Variants in RAB27B observed in about 807,000 individuals in gnomAD.
RAB27B encodes RAB27B, member RAS oncogene family, also known as ras-related protein Rab-27B.
RAB27B carries 15 observed loss-of-function variants against 24.6 expected under a neutral mutation model. That is an observed-to-expected ratio of 0.61 (90% CI 0.41 to 0.94). The LOEUF is 0.94. Ranked by LOEUF, RAB27B falls within the 40% of genes least tolerant of loss-of-function variation. The pLI, the probability that RAB27B is intolerant of heterozygous loss-of-function variation, is 0.00. For synonymous variants in RAB27B, 105 were observed against 92.5 expected, an observed-to-expected ratio of 1.14 and a Z score of -0.78; for missense variants, 261 against 266.8, an observed-to-expected ratio of 0.98 and a Z score of 0.15.
At chr18:54,786,549 T>C (rs1598903923) in intron 2 of RAB27B, among the ~76,000 whole-genome samples, 2 of 152,350 alleles carry the variant, frequency 1.3e-5, no homozygotes, top group Admixed American at 1.3e-4. Context: ...CTTAATTAAA[T>C]AGCATTTAAC....
chr18:54,834,763 A>G (rs1383289042), intron 1 of RAB27B, among the ~76,000 whole-genome samples: 1 of 150,028 alleles, frequency 6.7e-6, no homozygotes, highest in African/African-American at 2.5e-5. Context: ...GGAAAATTTC[A>G]TTTTAAAACG....
intron 2 of RAB27B, among the ~76,000 whole-genome samples, chr18:54,722,185 C>T (rs1909380316): frequency 6.6e-6 from 1 of 152,062 alleles, no homozygotes; most frequent in South Asian, 2.1e-4. Context: ...ATTGTTTTAC[C>T]ACTCCTGTAC....
chr18:54,821,918 A>T (rs1406631976), intron 2 of RAB27B, among the ~76,000 whole-genome samples: 1 of 151,978 alleles, frequency 6.6e-6, no homozygotes. Context: ...ATGCCTGGCT[A>T]ATTTTTGTAT....
intron 2 of RAB27B, among the ~76,000 whole-genome samples, chr18:54,740,631 C>G (rs138853303): frequency 0.016 from 2,373 of 152,256 alleles, 22 homozygotes; most frequent in Non-Finnish European, 0.025. Context: ...TAAAGTGGTC[C>G]TGTTGGCACA....
At position 54,762,542 on chromosome 18, in the gene RAB27B, A is replaced by T. The variant is rs1455957887; in HGVS notation, c.-20+44401A>T. Among the ~76,000 whole-genome samples the T allele has an allele frequency of 7.2e-5, 11 of 152,276 alleles. No individual in the cohort carries two copies. In the South Asian group the frequency reaches 2.3e-3, roughly 32 times the overall value. On this transcript the variant is annotated intron_variant, in intron 2 of 4. Transcript: ENST00000586570. Reference sequence around the variant, plus strand: ...TCTGCCACATTGTGCACTTTGCAATAAGTTAGGCAATCCAAAGCACAATCC... The same window carrying T: ...TCTGCCACATTGTGCACTTTGCAATTAGTTAGGCAATCCAAAGCACAATCC...
At chr18:54,812,853 C>A (rs922098787) in intron 2 of RAB27B, among the ~76,000 whole-genome samples, 1 of 152,020 alleles carries the variant, frequency 6.6e-6, no homozygotes, top group African/African-American at 2.4e-5. Flanking sequence ...AATATCTATA[C>A]CAAATAGTTG....
At chr18:54,885,979 A>G (rs1175929305) in intron 4 of RAB27B, 2 of 152,346 alleles carry the variant, frequency 1.3e-5, no homozygotes, top group African/African-American at 4.8e-5. Flanking sequence ...CACTATCATG[A>G]GAACAGTACC....
intron 3 of RAB27B, among the ~76,000 whole-genome samples, chr18:54,883,742 T>G (rs1913019421): frequency 6.6e-6 from 1 of 152,164 alleles, no homozygotes; most frequent in Non-Finnish European, 1.5e-5. Context: ...CCCCACTCAG[T>G]CCTCCAATCA....
chr18:54,887,092 C>A (rs776246982), intron 4 of RAB27B, among the ~76,000 whole-genome samples: 38 of 138,860 alleles, frequency 2.7e-4, no homozygotes, highest in Non-Finnish European at 4.4e-4. Context: ...TCTCTCCTCC[C>A]CCCTCCGCCC....
chr18:54,793,794 C>G (rs557103956), intron 2 of RAB27B, among the ~76,000 whole-genome samples: 1 of 152,134 alleles, frequency 6.6e-6, no homozygotes, highest in Non-Finnish European at 1.5e-5. Context: ...GCCTGCAGTC[C>G]GAACTATTCG....
intron 2 of RAB27B, among the ~76,000 whole-genome samples, chr18:54,785,073 G>A (rs1181672894): frequency 8.6e-5 from 13 of 150,712 alleles, no homozygotes. Flanking sequence ...CTGCCTCAGG[G>A]CCTTTGTACC....
chr18:54,793,223 C>T (rs1223641845), intron 2 of RAB27B, among the ~76,000 whole-genome samples: 1 of 151,970 alleles, frequency 6.6e-6, no homozygotes, highest in Non-Finnish European at 1.5e-5. Flanking sequence ...TTTGAATTCT[C>T]CTTGGGCCTT....
intron 2 of RAB27B, among the ~76,000 whole-genome samples, chr18:54,821,911 C>T (rs1910323265): frequency 1.3e-5 from 2 of 152,094 alleles, no homozygotes; most frequent in South Asian, 4.1e-4. Flanking sequence ...GGCCCCCATG[C>T]CTGGCTAATT....
chr18:54,846,414 T>C (rs548762344), intron 1 of RAB27B, among the ~76,000 whole-genome samples: 6 of 152,380 alleles, frequency 3.9e-5, no homozygotes, highest in Admixed American at 3.9e-4. Flanking sequence ...CTTTATAGAA[T>C]GTATAACTCC....
At chr18:54,796,607 C>T (rs1486474237) in intron 2 of RAB27B, among the ~76,000 whole-genome samples, 1 of 152,192 alleles carries the variant, frequency 6.6e-6, no homozygotes. Flanking sequence ...TCTGCCATCA[C>T]TGGTTTGCCA....
chr18:54,831,711 G>A (rs954889986), intron 1 of RAB27B, among the ~76,000 whole-genome samples: 2 of 152,172 alleles, frequency 1.3e-5, no homozygotes, highest in Admixed American at 6.5e-5. Flanking sequence ...GTAATACAAT[G>A]AGAGTGACCT....
At chr18:54,810,339 G>T (rs952372165) in intron 2 of RAB27B, among the ~76,000 whole-genome samples, 1 of 152,074 alleles carries the variant, frequency 6.6e-6, no homozygotes, top group Non-Finnish European at 1.5e-5. Context: ...ATATTTATCA[G>T]AAATTTCTAC....
In RAB27B at chr18:54,835,077, T is replaced by C. The variant is rs180866792; in HGVS notation, c.-20+6377T>C. ...GAATTATTCAGTTCTTATGGTCTAT[T>C]ATTCAAAATATATTATTTTCATAAA... On this transcript the variant is annotated intron_variant, in intron 1 of 5. Coordinates refer to ENST00000262094, the MANE Select transcript of RAB27B (RefSeq NM_004163.4). 2.8e-4 allele frequency among the ~76,000 whole-genome samples: 42 copies of C among 152,112 alleles called. No individual in the cohort carries two copies. In the East Asian group the frequency reaches 5.4e-3, roughly 20 times the overall value.
chr18:54,771,591 AGTGTGTGTGTGT>A (rs36228307), intron 2 of RAB27B, among the ~76,000 whole-genome samples: 51,184 of 144,862 alleles, frequency 0.35, 8,934 homozygotes, highest in South Asian at 0.43. Context: ...CTGATAGTTT[AGTGTGTGTGTGT>A]GTGTGTGTGT....
Sources: allele counts gnomAD v4.1 joint callset (sites outside exome capture counted in the v4.1 genomes callset), GRCh38; gene constraint gnomAD v4.1.1; transcripts MANE v1.5; gene names NCBI Gene and HGNC (gene_info 2026-07-23, HGNC 2026-07-21).